Variants in SHISA9 observed in about 807,000 individuals in gnomAD.
SHISA9 encodes the protein shisa family member 9.
Under a neutral mutation model 38.0 loss-of-function variants are expected in SHISA9, and 13 were observed. The ratio of observed to expected loss-of-function variants is 0.34; its 90% CI spans 0.22 to 0.54. The LOEUF is 0.54. Among genes scored for constraint, SHISA9 ranks in the 20% least tolerant of loss-of-function variants. The probability of loss-of-function intolerance (pLI) is 0.91; values close to 1 mark genes in which losing one functional copy is unlikely to be tolerated. For synonymous variants in SHISA9, 275 were observed against 242.0 expected (o/e 1.14, Z -1.27); for missense variants, 538 against 575.8 (o/e 0.93, Z 0.67).
At chr16:13,246,521 G>A in the SHISA9 span, 5 of 152,094 alleles carry the variant, frequency 3.3e-5, no homozygotes, top group African/African-American at 4.8e-5. Flanking sequence ...AATAATCATC[G>A]TAATGCTAAT....
At chr16:13,296,324 T>C in the SHISA9 span, among the ~76,000 whole-genome samples, 1 of 152,090 alleles carries the variant, frequency 6.6e-6, no homozygotes, top group East Asian at 1.9e-4. Context: ...TCAAGTTATA[T>C]TTTTTTAGCA....
At chr16:12,988,441 G>C (rs1368844036) in intron 2 of SHISA9, among the ~76,000 whole-genome samples, 1 of 152,154 alleles carries the variant, frequency 6.6e-6, no homozygotes, top group African/African-American at 2.4e-5. Context: ...TTCTCAGACA[G>C]GGTCTCTCCC....
chr16:12,931,458 T>G (rs1875390), intron 2 of SHISA9, among the ~76,000 whole-genome samples: 104,421 of 152,048 alleles, frequency 0.69, 36,200 homozygotes, highest in East Asian at 0.78. Context: ...CCCTCTAGCA[T>G]TCCCAGTGTC....
the SHISA9 span, among the ~76,000 whole-genome samples, chr16:13,362,815 T>A: frequency 6.6e-6 from 1 of 152,214 alleles, no homozygotes; most frequent in Non-Finnish European, 1.5e-5. Flanking sequence ...TACAGAGCCA[T>A]TTAGCTTTCT....
chr16:13,271,535 A>G, the SHISA9 span, among the ~76,000 whole-genome samples: 1 of 152,182 alleles, frequency 6.6e-6, no homozygotes, highest in Non-Finnish European at 1.5e-5. Context: ...TATCCCTACC[A>G]TGGGATATTC....
chr16:12,994,373 C>T (rs758850438), intron 2 of SHISA9, among the ~76,000 whole-genome samples: 9 of 152,202 alleles, frequency 5.9e-5, no homozygotes, highest in South Asian at 2.1e-4. Context: ...TTGAAAGACA[C>T]TTCCTTACTC....
At chr16:13,084,739 A>G (rs560950366) in intron 2 of SHISA9, among the ~76,000 whole-genome samples, 1 of 10,340 alleles carries the variant, frequency 9.7e-5, no homozygotes, top group South Asian at 5.7e-3. Flanking sequence ...TTTTCTCTTA[A>G]GCTTAGACCA....
At chr16:13,213,144 G>A in intron 3 of SHISA9, 109 bp from the exon 4 acceptor site, 1 of 923,206 alleles carries the variant, frequency 1.1e-6, no homozygotes, top group Admixed American at 2.1e-5. Flanking sequence ...GCCTGTCCCT[G>A]CTTGGAGGCT....
intron 2 of SHISA9, among the ~76,000 whole-genome samples, chr16:13,073,206 ATC>A (rs534011616): frequency 0.02 from 2,839 of 144,014 alleles, 101 homozygotes; most frequent in African/African-American, 0.069. Flanking sequence ...ACTCTCTCCT[ATC>A]TCTCTCTCTC....
chr16:13,370,249 G>A, the SHISA9 span, among the ~76,000 whole-genome samples: 78 of 152,132 alleles, frequency 5.1e-4, no homozygotes, highest in Non-Finnish European at 9.4e-4. Context: ...TGCCTTACAT[G>A]CTGTGCTGGT....
chr16:13,515,075 C>G, the SHISA9 span, among the ~76,000 whole-genome samples: 1 of 152,018 alleles, frequency 6.6e-6, no homozygotes, highest in Non-Finnish European at 1.5e-5. Context: ...GTCTGTCAAC[C>G]TAGAATTCTA....
the SHISA9 span, among the ~76,000 whole-genome samples, chr16:13,528,523 TC>T: frequency 6.6e-6 from 1 of 152,118 alleles, no homozygotes; most frequent in Admixed American, 6.6e-5. Flanking sequence ...TTCATCAAGA[TC>T]CTCATTAAAA....
chr16:12,968,999 A>G (rs912982987), intron 2 of SHISA9, among the ~76,000 whole-genome samples: 1 of 151,992 alleles, frequency 6.6e-6, no homozygotes, highest in African/African-American at 2.4e-5. Flanking sequence ...TACTAAAAAT[A>G]CAAAACAATT....
At chr16:13,240,622 T>TGAAGC (rs1197830510), downstream of SHISA9, among the ~76,000 whole-genome samples, 5 of 152,332 alleles carry the variant, frequency 3.3e-5, no homozygotes, top group East Asian at 9.6e-4. Flanking sequence ...TTGGTAAGTT[T>TGAAGC]GTGTCACATC....
At position 13,170,893 on chromosome 16, in the gene SHISA9, G is replaced by A. The variant is rs563413021; in HGVS notation, c.692-32501G>A. Among the ~76,000 whole-genome samples the A allele has an allele frequency of 7.1e-4, 108 of 152,272 alleles. 1 individual carries two copies. In the South Asian group the frequency reaches 0.022, roughly 31 times the overall value. On this transcript the variant is annotated intron_variant, in intron 2 of 4. Transcript: ENST00000558583. ...GCTGGTCTCCAACTCCTGACCTCAGGTCATCCACCCGCCTTGGCCTCCCAA... is the reference window on the plus strand; with the variant it reads ...GCTGGTCTCCAACTCCTGACCTCAGATCATCCACCCGCCTTGGCCTCCCAA...
chr16:13,460,544 T>C, the SHISA9 span, among the ~76,000 whole-genome samples: 1 of 152,184 alleles, frequency 6.6e-6, no homozygotes, highest in Non-Finnish European at 1.5e-5. Context: ...CCAAAGCCCA[T>C]GAGTTTTCTA....
At chr16:13,263,882 A>G in the SHISA9 span, among the ~76,000 whole-genome samples, 2 of 152,186 alleles carry the variant, frequency 1.3e-5, no homozygotes, top group Non-Finnish European at 2.9e-5. Flanking sequence ...TTCAAAATAA[A>G]ATGTCTTTCA....
chr16:13,037,101 C>CACAG (rs2073080675), intron 2 of SHISA9, among the ~76,000 whole-genome samples: 1 of 58,060 alleles, frequency 1.7e-5, no homozygotes, highest in Non-Finnish European at 4.0e-5. Flanking sequence ...CACACACACA[C>CACAG]ACACACAGAC....
chr16:13,496,530 T>A, the SHISA9 span, among the ~76,000 whole-genome samples: 1 of 152,116 alleles, frequency 6.6e-6, no homozygotes, highest in Non-Finnish European at 1.5e-5. Flanking sequence ...CTATTATTTA[T>A]TACCATTATG....
Sources: allele counts gnomAD v4.1 joint callset (sites outside exome capture counted in the v4.1 genomes callset), GRCh38; gene constraint gnomAD v4.1.1; transcripts MANE v1.5; gene names NCBI Gene and HGNC (gene_info 2026-07-23, HGNC 2026-07-21).